Variants in NYAP2 observed in about 807,000 individuals in gnomAD.
The protein encoded by NYAP2 is neuronal tyrosine-phosphorylated phosphoinositide-3-kinase adapter 2.
Under a neutral mutation model 50.4 loss-of-function variants are expected in NYAP2, and 23 were observed. That is an observed-to-expected ratio of 0.46 (90% CI 0.33 to 0.65). The LOEUF (loss-of-function observed/expected upper bound fraction) is 0.65, where lower values mean the gene tolerates loss of function less well. Among genes scored for constraint, NYAP2 ranks in the 30% least tolerant of loss-of-function variants. NYAP2 has a pLI of 0.02. For synonymous variants in NYAP2, 394 were observed against 365.2 expected, an observed-to-expected ratio of 1.08 and a Z score of -0.90; for missense variants, 885 against 861.0, an observed-to-expected ratio of 1.03 and a Z score of -0.35.
intron 4 of NYAP2, among the ~76,000 whole-genome samples, chr2:225,543,780 G>T (rs1691518541): frequency 6.6e-6 from 1 of 151,922 alleles, no homozygotes; most frequent in South Asian, 2.1e-4. Flanking sequence ...AGGTCTATTT[G>T]TTCTATAGTT....
intron 6 of NYAP2, among the ~76,000 whole-genome samples, chr2:225,649,357 T>G (rs1013300361): frequency 1.3e-5 from 2 of 152,180 alleles, no homozygotes; most frequent in Non-Finnish European, 2.9e-5. Flanking sequence ...CCAGGATACT[T>G]CCCACTTCAG....
chr2:225,646,675 T>A (rs1693640755), intron 6 of NYAP2, among the ~76,000 whole-genome samples: 1 of 152,228 alleles, frequency 6.6e-6, no homozygotes, highest in South Asian at 2.1e-4. Context: ...ATGATCTTAC[T>A]CTATCCCTGC....
intron 5 of NYAP2, among the ~76,000 whole-genome samples, 152 bp downstream of exon 5, chr2:225,583,187 T>G (rs534749948): frequency 2.6e-5 from 4 of 152,184 alleles, no homozygotes; most frequent in Non-Finnish European, 5.9e-5. Flanking sequence ...TTAGTTCATT[T>G]TTGCCATGCT....
At position 225,620,177 on chromosome 2, in the gene NYAP2, T is replaced by C. The variant is rs558402026; in HGVS notation, c.1619-6740T>C. 3.9e-5 allele frequency among the ~76,000 whole-genome samples: 6 copies of C among 152,366 alleles called. No individual in the cohort carries two copies. In the East Asian group the frequency reaches 1.2e-3, roughly 29 times the overall value. ...AAAAAGACATTGAGATATATGGATATGGATAAATATGTCCTTTTCCTCTGA... is the reference window on the plus strand; with the variant it reads ...AAAAAGACATTGAGATATATGGATACGGATAAATATGTCCTTTTCCTCTGA... On this transcript the variant is annotated intron_variant, in intron 5 of 6. Coordinates refer to ENST00000636099, the Ensembl canonical transcript of NYAP2.
At chr2:225,537,073 C>T (rs1023503083) in intron 4 of NYAP2, among the ~76,000 whole-genome samples, 3 of 152,068 alleles carry the variant, frequency 2.0e-5, no homozygotes, top group Non-Finnish European at 4.4e-5. Flanking sequence ...CCACTGAGCC[C>T]GGCCTTATTC....
chr2:225,470,331 C>T (rs893761772), intron 3 of NYAP2, among the ~76,000 whole-genome samples: 1 of 152,104 alleles, frequency 6.6e-6, no homozygotes, highest in African/African-American at 2.4e-5. Flanking sequence ...CATATGCACT[C>T]ACACCCATTT....
chr2:225,613,650 AT>A (rs1460852043), intron 5 of NYAP2, among the ~76,000 whole-genome samples: 2 of 152,222 alleles, frequency 1.3e-5, no homozygotes, highest in African/African-American at 4.8e-5. Context: ...AACAGTGTTG[AT>A]GCTGCTGCTG....
rs530534699 is a variant in NYAP2 at position 225,585,801 on chromosome 2, A to G, written c.1618+2766A>G. On this transcript the variant is annotated intron_variant, in intron 5 of 6. Coordinates refer to ENST00000636099, the Ensembl canonical transcript of NYAP2. ...CTCACAAAATCAAAAGGTCTCTCAGAATCTTTTCATAATGCAAAACATAGA... is the reference window on the plus strand; with the variant it reads ...CTCACAAAATCAAAAGGTCTCTCAGGATCTTTTCATAATGCAAAACATAGA... 8.5e-5 allele frequency among the ~76,000 whole-genome samples: 13 copies of G among 152,332 alleles called. No individual in the cohort carries two copies. In the East Asian group the frequency reaches 2.3e-3, roughly 27 times the overall value.
the NYAP2 span, among the ~76,000 whole-genome samples, chr2:225,693,479 T>C: frequency 6.6e-6 from 1 of 152,056 alleles, no homozygotes; most frequent in African/African-American, 2.4e-5. Flanking sequence ...TTTGCCAGGT[T>C]TCTTGTCCGT....
At chr2:225,569,134 T>G (rs935830582) in intron 4 of NYAP2, among the ~76,000 whole-genome samples, 1 of 152,122 alleles carries the variant, frequency 6.6e-6, no homozygotes, top group South Asian at 2.1e-4. Flanking sequence ...GAACATAAAG[T>G]GGCCTGGGAT....
At chr2:225,492,846 T>G (rs961467808) in intron 3 of NYAP2, among the ~76,000 whole-genome samples, 8 of 152,176 alleles carry the variant, frequency 5.3e-5, no homozygotes, top group African/African-American at 2.4e-5. Flanking sequence ...GATCTGCCTC[T>G]GTGATCCAAA....
intron 4 of NYAP2, among the ~76,000 whole-genome samples, chr2:225,524,206 G>A (rs1407211096): frequency 1.3e-5 from 2 of 152,166 alleles, no homozygotes; most frequent in Non-Finnish European, 2.9e-5. Context: ...CAAAAGTGCA[G>A]CCTTCAGTCT....
At chr2:225,416,860 A>C (rs1695132866) in intron 3 of NYAP2, among the ~76,000 whole-genome samples, 1 of 152,176 alleles carries the variant, frequency 6.6e-6, no homozygotes, top group South Asian at 2.1e-4. Context: ...CTCAGTCAGC[A>C]TGAGAATTAA....
chr2:225,703,622 G>A, the NYAP2 span: 4 of 151,776 alleles, frequency 2.6e-5, no homozygotes, highest in South Asian at 2.1e-4. Flanking sequence ...TTGTGCTCCC[G>A]TGTAATTATA....
the NYAP2 span, among the ~76,000 whole-genome samples, chr2:225,662,646 G>A: frequency 6.6e-6 from 1 of 152,196 alleles, no homozygotes; most frequent in Non-Finnish European, 1.5e-5. Flanking sequence ...TGACAGGGAT[G>A]GCATTTGGAA....
Position 225,434,201 on chromosome 2 carries a change from T to C in NYAP2, c.221+25100T>C, listed in dbSNP as rs968464033. On this transcript the variant is annotated intron_variant, in intron 3 of 6. Coordinates refer to ENST00000636099, the Ensembl canonical transcript of NYAP2. ...TACTCTGGAGCTGCAATAGGTAAGA[T>C]TGGGAGCTGTCCAGCGGCGTCAGAG... Among the ~76,000 whole-genome samples, 7 of 152,276 alleles carry C rather than the reference T, an allele frequency of 4.6e-5. No homozygotes were observed. The Middle Eastern group carries it at 0.014, about 296-fold the overall frequency.
intron 3 of NYAP2, among the ~76,000 whole-genome samples, chr2:225,505,457 A>G (rs1171227769): frequency 1.3e-5 from 2 of 152,188 alleles, no homozygotes; most frequent in Admixed American, 6.5e-5. Flanking sequence ...ATTTTACTGA[A>G]GCCAAGTTTT....
At chr2:225,599,238 C>T (rs929298204) in intron 5 of NYAP2, among the ~76,000 whole-genome samples, 22 of 152,260 alleles carry the variant, frequency 1.4e-4, no homozygotes, top group Non-Finnish European at 2.2e-4. Flanking sequence ...TAACAGGAAC[C>T]ACTAGGTCTG....
chr2:225,476,271 G>A (rs1559190291), intron 3 of NYAP2, among the ~76,000 whole-genome samples: 1 of 152,158 alleles, frequency 6.6e-6, no homozygotes, highest in Non-Finnish European at 1.5e-5. Context: ...AAATTAGCCA[G>A]GCGTAGTGAT....
Sources: allele counts gnomAD v4.1 joint callset (sites outside exome capture counted in the v4.1 genomes callset), GRCh38; gene constraint gnomAD v4.1.1; transcripts MANE v1.5; gene names NCBI Gene and HGNC (gene_info 2026-07-23, HGNC 2026-07-21).